The following FAM20A variants were observed in gnomAD, a reference collection of about 807,000 sequenced individuals.
FAM20A encodes pseudokinase FAM20A.
In FAM20A, 42 loss-of-function variants were observed where a neutral mutation model predicts 52.0. The ratio of observed to expected loss-of-function variants is 0.81; its 90% CI spans 0.63 to 1.04. FAM20A has a LOEUF of 1.04. Among genes scored for constraint, FAM20A ranks in the 50% least tolerant of loss-of-function variants. FAM20A has a pLI of 0.00. For missense variants in FAM20A, 742 were observed against 712.7 expected (o/e 1.04, Z -0.47); for synonymous variants, 304 against 298.9 (o/e 1.02, Z -0.18).
At chr17:68,544,946 A>T (rs955041183) in intron 4 of FAM20A, among the ~76,000 whole-genome samples, 2 of 152,242 alleles carry the variant, frequency 1.3e-5, no homozygotes, top group African/African-American at 4.8e-5. Context: ...AGTGCTTCTC[A>T]TACTTTGAGA....
intron 1 of FAM20A, among the ~76,000 whole-genome samples, chr17:68,599,970 G>T (rs1329937810): frequency 2.6e-5 from 4 of 152,202 alleles, no homozygotes; most frequent in African/African-American, 9.6e-5. Context: ...AGCAGGAGTG[G>T]GGCTCAACGA....
chr17:68,581,916 T>C (rs1213901125), intron 1 of FAM20A, among the ~76,000 whole-genome samples: 2 of 152,144 alleles, frequency 1.3e-5, no homozygotes, highest in Admixed American at 1.3e-4. Flanking sequence ...TGAGCCACTT[T>C]CTTCATCTGA....
At chr17:68,554,038 G>GTGCATATATA (rs1568741814) in intron 3 of FAM20A, among the ~76,000 whole-genome samples, 1 of 116,288 alleles carries the variant, frequency 8.6e-6, no homozygotes, top group South Asian at 2.7e-4. Context: ...ATACACACAT[G>GTGCATATATA]CATATATACA....
intron 1 of FAM20A, chr17:68,582,493 A>G (rs958701759): frequency 6.6e-6 from 1 of 152,226 alleles, no homozygotes; most frequent in Non-Finnish European, 1.5e-5. Context: ...ATCATCATCC[A>G]CCCAAACATC....
Position 68,555,722 on chromosome 17 carries a change from C to T in FAM20A, c.426G>A (p.Glu142=), listed in dbSNP as rs780417810. The change falls in exon 2 of 11, where the codon GAG becomes GAA. Residue 142 remains glutamate (E), a synonymous_variant. Transcript: ENST00000592554. The stretch of plus-strand genomic sequence containing the variant: ...GGTCCAGGGAGGTAAGGTTCATCTG[C>T]TCTCTGTACATCTTGTGTCGCCTGA... ...RWNRRHKMYR[E]QMNLTSLDPP... is the part of the protein sequence containing the mutation. The T allele has an allele frequency of 5.5e-5, 89 of 1,613,922 alleles. No homozygotes were observed. The highest frequency in any genetic ancestry group is 7.4e-5 in the Non-Finnish European group (87 of 1,180,038).
chr17:68,547,476 A>G (rs1400844639), intron 4 of FAM20A, among the ~76,000 whole-genome samples: 1 of 152,224 alleles, frequency 6.6e-6, no homozygotes, highest in Non-Finnish European at 1.5e-5. Context: ...TAGTGTAGCT[A>G]CGTTCATCAA....
At chr17:68,558,549 G>A (rs1428411393) in intron 1 of FAM20A, 2 of 185,050 alleles carry the variant, frequency 1.1e-5, no homozygotes, top group African/African-American at 2.4e-5. Context: ...TCACTCTCTT[G>A]TGCTCCTGCT....
At chr17:68,551,450 AG>A in intron 4 of FAM20A, 1 of 234,082 alleles carries the variant, frequency 4.3e-6, no homozygotes, top group African/African-American at 2.2e-5. Context: ...GATCAATTAA[AG>A]TGGTGGAGTG....
intron 5 of FAM20A, among the ~76,000 whole-genome samples, chr17:68,543,371 G>T (rs1341119251): frequency 2.0e-5 from 3 of 152,144 alleles, no homozygotes; most frequent in Non-Finnish European, 4.4e-5. Flanking sequence ...TAGAGCAACT[G>T]CCCCAAGCAG....
Position 68,562,618 on chromosome 17 carries a change from C to G in FAM20A, c.405-6875G>C, listed in dbSNP as rs966610742. 6.6e-5 allele frequency among the ~76,000 whole-genome samples: 10 copies of G among 152,070 alleles called. No homozygotes were observed. In the East Asian group the frequency reaches 1.3e-3, roughly 21 times the overall value. On this transcript the variant is annotated intron_variant, in intron 1 of 10. Coordinates refer to ENST00000592554, the MANE Select transcript of FAM20A (RefSeq NM_017565.4). ...ATCTAGCATCCTTTTCCATCCCCCC[C>G]CCTTTTTATTTTAAGCATTGCATCT...
chr17:68,546,105 G>C (rs745841710), intron 4 of FAM20A, among the ~76,000 whole-genome samples: 7 of 146,798 alleles, frequency 4.8e-5, no homozygotes, highest in Admixed American at 3.4e-4. Flanking sequence ...GGAGGCAGAG[G>C]TTGCAGTGAG....
chr17:68,553,017 G>C (rs879589064), intron 3 of FAM20A, among the ~76,000 whole-genome samples: 4 of 152,146 alleles, frequency 2.6e-5, no homozygotes, highest in Non-Finnish European at 5.9e-5. Context: ...ATATGGTTAG[G>C]CTTTGTGTCC....
rs1568768061 is a variant in FAM20A, at chr17:68,575,832, A to ACAC, written c.405-20090_405-20089insGTG. Reference sequence around the variant, plus strand: ...CACACACACACACACACACACACACATAATCAGCCATTGGCAGTTACAGCT... The same window carrying ACAC: ...CACACACACACACACACACACACACACACTAATCAGCCATTGGCAGTTACAGCT... On this transcript the variant is annotated intron_variant, in intron 1 of 10. Coordinates refer to ENST00000592554, the MANE Select transcript of FAM20A (RefSeq NM_017565.4). 7.0e-3 allele frequency among the ~76,000 whole-genome samples: 986 copies of ACAC among 139,882 alleles called. 69 individuals carry two copies. In the South Asian group the frequency reaches 0.12, roughly 17 times the overall value. The allele number at this position is 139,882 out of a possible 152,430, so 91.8% of individuals were successfully genotyped here. A position where few individuals can be genotyped will look rare whatever the true frequency, so the allele number is the denominator to read the frequency against.
chr17:68,582,728 G>A (rs1295106629), intron 1 of FAM20A, among the ~76,000 whole-genome samples: 1 of 151,538 alleles, frequency 6.6e-6, no homozygotes, highest in Non-Finnish European at 1.5e-5. Context: ...CTGAGGCTTG[G>A]AGGAAATGAG....
chr17:68,595,901 G>A (rs940677170), intron 1 of FAM20A, among the ~76,000 whole-genome samples: 3 of 152,146 alleles, frequency 2.0e-5, no homozygotes, highest in African/African-American at 4.8e-5. Flanking sequence ...GGGCAGGGAG[G>A]AGCTTATCTT....
intron 1 of FAM20A, among the ~76,000 whole-genome samples, chr17:68,596,728 C>T (rs2088463592): frequency 6.6e-6 from 1 of 152,228 alleles, no homozygotes; most frequent in African/African-American, 2.4e-5. Context: ...CTGTTCAATA[C>T]AGGTGCCAAA....
rs753843597 is a variant in FAM20A at position 68,600,669 on chromosome 17, C to G, written c.-3G>C. The G allele has an allele frequency of 6.5e-7, 1 of 1,541,048 alleles. No individual in the cohort carries two copies. Among genetic ancestry groups the G allele is most frequent in the South Asian group, 1.2e-5 (1 of 84,452 alleles). On this transcript the variant is annotated 5_prime_UTR_variant, in exon 1 of 11. Coordinates refer to ENST00000592554, the MANE Select transcript of FAM20A (RefSeq NM_017565.4). The surrounding 1 kb of genome is among the most constrained non-coding windows in gnomAD (Gnocchi z 6.2). Reference sequence around the variant, plus strand: ...CGGTCCCGGCGCAGCCCCGGCATGGCGTGCTGGCCAAGGGGGACGCCGGGG... The same window carrying G: ...CGGTCCCGGCGCAGCCCCGGCATGGGGTGCTGGCCAAGGGGGACGCCGGGG...
chr17:68,541,000 G>A (rs2086263273), intron 7 of FAM20A, 42 bp from the exon 8 acceptor site: 1 of 1,552,982 alleles, frequency 6.4e-7, no homozygotes, highest in Non-Finnish European at 8.7e-7. Context: ...AAGCCAAGAT[G>A]GCAGGGTGTC....
chr17:68,598,351 A>C (rs755906008), intron 1 of FAM20A, among the ~76,000 whole-genome samples: 3 of 152,174 alleles, frequency 2.0e-5, no homozygotes, highest in Non-Finnish European at 2.9e-5. Context: ...ACATCTGCTT[A>C]TTAATATGTT....
Sources: gnomAD v4.1 joint callset for allele counts (sites outside exome capture counted in the v4.1 genomes callset) on GRCh38, gnomAD v4.1.1 for gene constraint, Gnocchi (gnomAD v3.1) non-coding constraint, MANE v1.5 for transcripts, NCBI Gene and HGNC (gene_info 2026-07-23, HGNC 2026-07-21) for gene names.